Variants in FRMD4A observed in about 807,000 individuals in gnomAD.
FRMD4A encodes FERM domain-containing protein 4A.
A neutral mutation model predicts 129.1 loss-of-function variants in FRMD4A; 29 were observed. That is an observed-to-expected ratio of 0.22 (90% confidence interval 0.17 to 0.31). The LOEUF (loss-of-function observed/expected upper bound fraction) is 0.31, where lower values mean the gene tolerates loss of function less well. Ranked by LOEUF, FRMD4A falls within the 10% of genes least tolerant of loss-of-function variation. The probability of loss-of-function intolerance (pLI) is 1.00; values close to 1 mark genes in which losing one functional copy is unlikely to be tolerated. For synonymous variants in FRMD4A, 634 were observed against 571.6 expected (o/e 1.11, Z -1.56); for missense variants, 1,272 against 1,375.8 (o/e 0.92, Z 1.19).
intron 3 of FRMD4A, among the ~76,000 whole-genome samples, chr10:13,817,168 G>T (rs543922128): frequency 6.6e-6 from 1 of 152,218 alleles, no homozygotes; most frequent in East Asian, 1.9e-4. Context: ...ACACCAACTG[G>T]GCTTAGAAAC....
At chr10:13,663,095 T>A (rs2082757335) in intron 19 of FRMD4A, among the ~76,000 whole-genome samples, 1 of 150,096 alleles carries the variant, frequency 6.7e-6, no homozygotes, top group African/African-American at 2.5e-5. Context: ...GAGGCTGAGG[T>A]GGAAGAATCA....
intron 2 of FRMD4A, among the ~76,000 whole-genome samples, chr10:13,987,103 A>C (rs1461605715): frequency 6.6e-6 from 1 of 152,114 alleles, no homozygotes; most frequent in East Asian, 1.9e-4. Context: ...GCTCAACCTT[A>C]GTTCTTGGAC....
chr10:13,721,497 G>T (rs562675557), intron 12 of FRMD4A, among the ~76,000 whole-genome samples: 3 of 151,960 alleles, frequency 2.0e-5, no homozygotes, highest in Non-Finnish European at 4.4e-5. Flanking sequence ...AAAAGAACTC[G>T]ATAAGACTTA....
intron 2 of FRMD4A, among the ~76,000 whole-genome samples, chr10:14,209,433 A>T (rs2131953305): frequency 6.6e-6 from 1 of 152,248 alleles, no homozygotes; most frequent in Non-Finnish European, 1.5e-5. Flanking sequence ...GTGGGCCATA[A>T]ATCCAATGAC....
intron 2 of FRMD4A, among the ~76,000 whole-genome samples, chr10:14,189,984 G>A (rs1352056759): frequency 6.6e-6 from 1 of 152,126 alleles, no homozygotes; most frequent in East Asian, 1.9e-4. Context: ...AAAACATGAA[G>A]CACCTTGATA....
At chr10:14,210,788 C>T (rs1284180061) in intron 2 of FRMD4A, among the ~76,000 whole-genome samples, 2 of 152,164 alleles carry the variant, frequency 1.3e-5, no homozygotes, top group Non-Finnish European at 2.9e-5. Context: ...AGTGCAGTGA[C>T]ACAGTCTTGG....
intron 2 of FRMD4A, among the ~76,000 whole-genome samples, chr10:14,214,432 C>T (rs914724407): frequency 6.6e-6 from 1 of 152,204 alleles, no homozygotes. Context: ...AACTCAACCT[C>T]TCTGAACCTC....
At chr10:14,286,274 G>A (rs1472464718) in intron 2 of FRMD4A, among the ~76,000 whole-genome samples, 2 of 152,158 alleles carry the variant, frequency 1.3e-5, no homozygotes, top group Admixed American at 6.5e-5. Context: ...AAAGGATATG[G>A]TAGCTTTTGA....
At chr10:13,954,012 C>G (rs1160714021) in intron 2 of FRMD4A, among the ~76,000 whole-genome samples, 1 of 152,202 alleles carries the variant, frequency 6.6e-6, no homozygotes, top group Non-Finnish European at 1.5e-5. Flanking sequence ...GGTACTTATC[C>G]CTTCTCTACA....
chr10:14,231,346 GT>G (rs34532314), intron 2 of FRMD4A, among the ~76,000 whole-genome samples: 304 of 142,598 alleles, frequency 2.1e-3, no homozygotes, highest in Non-Finnish European at 2.6e-3. Flanking sequence ...TCTCATTGTG[GT>G]TTTTTTTTTT....
At chr10:14,250,992 TA>T (rs1844418777) in intron 2 of FRMD4A, among the ~76,000 whole-genome samples, 1 of 152,196 alleles carries the variant, frequency 6.6e-6, no homozygotes, top group Non-Finnish European at 1.5e-5. Context: ...TTTCTAGCTG[TA>T]TTCAAAACCT....
At chr10:14,068,386 T>G (rs1184903039) in intron 2 of FRMD4A, among the ~76,000 whole-genome samples, 1 of 152,240 alleles carries the variant, frequency 6.6e-6, no homozygotes, top group Non-Finnish European at 1.5e-5. Context: ...TATATTTGCT[T>G]TCCTGTGAAT....
At chr10:13,981,182 G>T (rs1307969905) in intron 2 of FRMD4A, among the ~76,000 whole-genome samples, 1 of 152,158 alleles carries the variant, frequency 6.6e-6, no homozygotes, top group East Asian at 1.9e-4. Context: ...GGTAGATATG[G>T]GTTATGATTT....
chr10:13,668,602 G>A (rs2083254024), intron 17 of FRMD4A, among the ~76,000 whole-genome samples: 1 of 152,198 alleles, frequency 6.6e-6, no homozygotes, highest in South Asian at 2.1e-4. Context: ...ATCATGTGTG[G>A]GGACAGGTAA....
At chr10:13,908,162 T>TC (rs2094902200) in intron 2 of FRMD4A, among the ~76,000 whole-genome samples, 1 of 25,884 alleles carries the variant, frequency 3.9e-5, no homozygotes, top group African/African-American at 1.1e-4. Context: ...GGAAACTCCA[T>TC]CTAAAAAAAA....
At chr10:13,689,729 A>ATTT (rs34481268) in intron 15 of FRMD4A, among the ~76,000 whole-genome samples, 3 of 145,186 alleles carry the variant, frequency 2.1e-5, no homozygotes, top group East Asian at 2.0e-4. Flanking sequence ...TATTAAGAAG[A>ATTT]TTTTTTTTTT....
At chr10:14,018,064 C>G (rs764094147) in intron 2 of FRMD4A, among the ~76,000 whole-genome samples, 22 of 152,062 alleles carry the variant, frequency 1.4e-4, no homozygotes, top group African/African-American at 4.6e-4. Flanking sequence ...TTTTAAACCT[C>G]TATGGCACGA....
At chr10:13,826,046 C>T (rs1407692374) in intron 3 of FRMD4A, among the ~76,000 whole-genome samples, 1 of 152,232 alleles carries the variant, frequency 6.6e-6, no homozygotes, top group Non-Finnish European at 1.5e-5. Flanking sequence ...GTACCTTGAT[C>T]AGCATCTGCC....
intron 2 of FRMD4A, among the ~76,000 whole-genome samples, chr10:14,109,628 G>C (rs1372804531): frequency 3.3e-5 from 5 of 152,316 alleles, no homozygotes; most frequent in African/African-American, 1.2e-4. Context: ...TCAAGAATTT[G>C]TGTCAACTTC....
Sources: allele counts gnomAD v4.1 joint callset (sites outside exome capture counted in the v4.1 genomes callset), GRCh38; gene constraint gnomAD v4.1.1; transcripts MANE v1.5; gene names NCBI Gene and HGNC (gene_info 2026-07-23, HGNC 2026-07-21).